MYBPC1: variants seen among roughly 807,000 people sequenced by gnomAD.
The protein encoded by MYBPC1 is myosin binding protein C1, also known as myosin-binding protein C, slow-type.
MYBPC1 carries 52 observed loss-of-function variants against 147.1 expected under a neutral mutation model. The ratio of observed to expected loss-of-function variants is 0.35; its 90% CI spans 0.28 to 0.45. MYBPC1 has a LOEUF of 0.45. MYBPC1 is among the 20% of genes least tolerant of loss of function. MYBPC1 has a pLI of 1.00. For missense variants in MYBPC1, 1,228 were observed against 1,440.3 expected (o/e 0.85, Z 2.39); for synonymous variants, 477 against 475.9 (o/e 1.00, Z -0.03).
intron 6 of MYBPC1, among the ~76,000 whole-genome samples, chr12:101,631,257 A>G (rs1035714749): frequency 1.4e-4 from 21 of 152,326 alleles, no homozygotes; most frequent in Admixed American, 1.3e-3. Flanking sequence ...CACATATATC[A>G]TACATATCCA....
rs574356590 is a variant in MYBPC1, at chr12:101,646,972, G to T, written c.1090+85G>T. The T allele has an allele frequency of 1.5e-5, 23 of 1,534,888 alleles. No homozygotes were observed. In the South Asian group the frequency reaches 2.0e-4, roughly 13 times the overall value. On this transcript the variant is annotated intron_variant, in intron 13 of 31. Coordinates refer to ENST00000361466, the MANE Select transcript of MYBPC1 (RefSeq NM_002465.4). ...AATGATCAAAGTGAAAGTAACTGAGGCTCCTCTACACTGGCAGCTATTATG... is the reference window on the plus strand; with the variant it reads ...AATGATCAAAGTGAAAGTAACTGAGTCTCCTCTACACTGGCAGCTATTATG...
chr12:101,624,498 T>C (rs945670392), intron 3 of MYBPC1, among the ~76,000 whole-genome samples: 3 of 152,038 alleles, frequency 2.0e-5, no homozygotes, highest in African/African-American at 7.2e-5. Flanking sequence ...CTTTTGTTTT[T>C]GTTTTTAGAG....
At chr12:101,684,061 T>C (rs1422617492) in intron 30 of MYBPC1, among the ~76,000 whole-genome samples, 5 of 152,166 alleles carry the variant, frequency 3.3e-5, no homozygotes, top group African/African-American at 1.2e-4. Context: ...GGTTTTTGTA[T>C]TTGTTTTAAG....
chr12:101,637,738 G>T (rs1455669125), intron 10 of MYBPC1, among the ~76,000 whole-genome samples: 2 of 152,106 alleles, frequency 1.3e-5, no homozygotes, highest in Non-Finnish European at 2.9e-5. Context: ...TACTGGGATT[G>T]TGTTTATTCT....
intron 25 of MYBPC1, among the ~76,000 whole-genome samples, chr12:101,674,043 ACT>A (rs1321893647): frequency 2.0e-5 from 3 of 152,076 alleles, no homozygotes; most frequent in Non-Finnish European, 2.9e-5. Context: ...ACAGAGTGAG[ACT>A]CTGTCTCCAA....
intron 3 of MYBPC1, among the ~76,000 whole-genome samples, chr12:101,618,803 A>G (rs1416168933): frequency 6.6e-6 from 1 of 152,038 alleles, no homozygotes; most frequent in Non-Finnish European, 1.5e-5. Flanking sequence ...TTTGCAGAAG[A>G]TAAGCAAAAC....
rs550675805 is a variant in MYBPC1 at position 101,623,912 on chromosome 12, C to T, written c.104-2960C>T. Among the ~76,000 whole-genome samples the T allele has an allele frequency of 4.6e-5, 7 of 152,142 alleles. No individual in the cohort carries two copies. The South Asian group carries it at 6.2e-4, about 14-fold the overall frequency. ...TCTAATAGCTCAGAAATACCTATAC[C>T]GGGCAAATGCACAATGTTGTGGAAT... On this transcript the variant is annotated intron_variant, in intron 3 of 31. Coordinates refer to ENST00000361466, the MANE Select transcript of MYBPC1 (RefSeq NM_002465.4).
chr12:101,662,913 C>G (rs191038784), intron 21 of MYBPC1, among the ~76,000 whole-genome samples: 2 of 152,094 alleles, frequency 1.3e-5, no homozygotes, highest in Non-Finnish European at 2.9e-5. Flanking sequence ...ACAACTATCA[C>G]TGAAACAAAT....
chr12:101,598,020 T>TC (rs1297075549), intron 1 of MYBPC1, among the ~76,000 whole-genome samples: 3,990 of 149,536 alleles, frequency 0.027, 192 homozygotes, highest in African/African-American at 0.094. Flanking sequence ...ACCTTTCTTT[T>TC]TTTTTTTTTT....
At chr12:101,667,191 T>C (rs182263782) in intron 22 of MYBPC1, among the ~76,000 whole-genome samples, 4 of 152,370 alleles carry the variant, frequency 2.6e-5, no homozygotes, top group Non-Finnish European at 5.9e-5. Context: ...TTTCTCTTTG[T>C]GAAATAAGCT....
At chr12:101,632,886 C>T (rs1032885967) in intron 8 of MYBPC1, among the ~76,000 whole-genome samples, 7 of 152,114 alleles carry the variant, frequency 4.6e-5, no homozygotes, top group African/African-American at 1.4e-4. Context: ...TGTGCCACCA[C>T]ACCTGGCTAA....
At position 101,660,832 on chromosome 12, in the gene MYBPC1, G is replaced by A. The variant is rs4764807; in HGVS notation, c.1928-326G>A. Reference sequence around the variant, plus strand: ...GAGAGAGAGAATGAGAACCAAGCCAGAGGGGTTTCCCCTTACAAAACCATC... The same window carrying A: ...GAGAGAGAGAATGAGAACCAAGCCAAAGGGGTTTCCCCTTACAAAACCATC... On this transcript the variant is annotated intron_variant, in intron 19 of 31. Coordinates refer to ENST00000361466, the MANE Select transcript of MYBPC1 (RefSeq NM_002465.4). Among the ~76,000 whole-genome samples, 101,908 of 151,832 alleles carry A rather than the reference G, an allele frequency of 0.67. 35,148 individuals are homozygous for A. The highest frequency in any genetic ancestry group is 0.8 in the Admixed American group (12,149 of 15,276).
chr12:101,641,773 A>G (rs2136176881), intron 10 of MYBPC1, among the ~76,000 whole-genome samples: 1 of 152,266 alleles, frequency 6.6e-6, no homozygotes, highest in Non-Finnish European at 1.5e-5. Context: ...TTTTAAAACC[A>G]TCAGTATCCA....
Position 101,678,277 on chromosome 12 carries a change from C to A in MYBPC1, c.3246+39C>A, listed in dbSNP as rs368636210. On this transcript the variant is annotated intron_variant, in intron 28 of 31. Transcript: ENST00000361466. Reference sequence around the variant, plus strand: ...CTATCACATCAGTTAAAGTCCCTGTCTTGTATTTGTTGTGTTATAATGTAA... The same window carrying A: ...CTATCACATCAGTTAAAGTCCCTGTATTGTATTTGTTGTGTTATAATGTAA... The A allele has an allele frequency of 1.9e-6, 3 of 1,608,900 alleles. No individual in the cohort carries two copies. The Admixed American group carries it at 5.0e-5, about 27-fold the overall frequency.
At chr12:101,659,405 G>A (rs1323681096) in intron 18 of MYBPC1, among the ~76,000 whole-genome samples, 1 of 152,138 alleles carries the variant, frequency 6.6e-6, no homozygotes, top group Non-Finnish European at 1.5e-5. Flanking sequence ...TCCTACCTGT[G>A]TGACCTTGAG....
intron 12 of MYBPC1, among the ~76,000 whole-genome samples, chr12:101,646,177 T>A (rs1055672347): frequency 6.6e-6 from 1 of 152,062 alleles, no homozygotes; most frequent in Non-Finnish European, 1.5e-5. Flanking sequence ...AAATAGCAAA[T>A]ATGTGAGTAC....
chr12:101,631,421 T>A lies in MYBPC1; in HGVS notation c.290-150T>A, dbSNP rs1889860490. On this transcript the variant is annotated intron_variant, in intron 6 of 31. Coordinates refer to ENST00000361466, the MANE Select transcript of MYBPC1 (RefSeq NM_002465.4). ...AGCCTAAGGACCTCTAGAGCATTCA[T>A]AAAAAAATCAGGACGAATTCATTTC... 3.3e-6 allele frequency: 3 copies of A among 917,432 alleles called. No individual in the cohort carries two copies. In the South Asian group the frequency reaches 4.2e-5, roughly 13 times the overall value. The allele number at this position is 917,432 out of a possible 1,614,324, so 56.8% of individuals were successfully genotyped here.
At position 101,644,784 on chromosome 12, in the gene MYBPC1, G is replaced by A. The variant is rs1892718623; in HGVS notation, c.953G>A (p.Arg318Gln). 2 of 1,613,566 alleles carry A rather than the reference G, an allele frequency of 1.2e-6. No homozygotes were observed. The highest frequency in any genetic ancestry group is 1.7e-6 in the Non-Finnish European group (2 of 1,179,776). The change falls in exon 12 of 32, where the codon CGA becomes CAA. Residue 318 changes from arginine to glutamine, a missense_variant. Coordinates refer to ENST00000361466, the MANE Select transcript of MYBPC1 (RefSeq NM_002465.4). ...VKWYKNGQEI[R>Q]PSTKYIFEHK... is the part of the protein sequence containing the mutation. ...TGGTATAAAAATGGTCAAGAAATTCGACCCAGTACCAAGTAAGTGGGCTTT... is the reference window on the plus strand; with the variant it reads ...TGGTATAAAAATGGTCAAGAAATTCAACCCAGTACCAAGTAAGTGGGCTTT...
At chr12:101,694,206 T>C in the MYBPC1 span, among the ~76,000 whole-genome samples, 1 of 152,356 alleles carries the variant, frequency 6.6e-6, no homozygotes, top group South Asian at 2.1e-4. Context: ...TGCCCCTCTA[T>C]AATTGCATTT....
Sources: allele counts gnomAD v4.1 joint callset (sites outside exome capture counted in the v4.1 genomes callset), GRCh38; gene constraint gnomAD v4.1.1; transcripts MANE v1.5; gene names NCBI Gene and HGNC (gene_info 2026-07-23, HGNC 2026-07-21).